Variants in RBMS1 observed in about 807,000 individuals in gnomAD.
RBMS1 encodes RNA-binding motif, single-stranded-interacting protein 1.
Under a neutral mutation model 62.3 loss-of-function variants are expected in RBMS1, and 17 were observed. The observed-to-expected ratio is 0.27, with a 90% CI of 0.19 to 0.41. RBMS1 has a LOEUF of 0.41. Among genes scored for constraint, RBMS1 ranks in the 10% least tolerant of loss-of-function variants. RBMS1 has a pLI of 1.00. For missense variants in RBMS1, 334 were observed against 504.5 expected, an observed-to-expected ratio of 0.66 and a Z score of 3.24; for synonymous variants, 172 against 170.0, an observed-to-expected ratio of 1.01 and a Z score of -0.09.
chr2:160,292,868 G>A (rs1688752152), intron 6 of RBMS1, among the ~76,000 whole-genome samples: 1 of 152,206 alleles, frequency 6.6e-6, no homozygotes, highest in Admixed American at 6.5e-5. Flanking sequence ...TTAAAAACTA[G>A]TCTTCTCCTC....
chr2:160,423,926 C>T lies in RBMS1; in HGVS notation c.76-56535G>A, dbSNP rs143529134. Among the ~76,000 whole-genome samples, 35 of 152,196 alleles carry T rather than the reference C, an allele frequency of 2.3e-4. No homozygotes were observed. The East Asian group carries it at 5.2e-3, about 23-fold the overall frequency. ...GGAGGGTAAACTCGTCCAGAGCATC[C>T]GGTCTACCTCAATGCCTTGTACACT... On this transcript the variant is annotated intron_variant, in intron 1 of 13. Transcript: ENST00000348849.
At chr2:160,437,143 T>C (rs1292838056) in intron 1 of RBMS1, among the ~76,000 whole-genome samples, 1 of 152,070 alleles carries the variant, frequency 6.6e-6, no homozygotes, top group Non-Finnish European at 1.5e-5. Flanking sequence ...AGAAATAGAA[T>C]AGCAAATTGA....
chr2:160,377,327 C>T (rs1694053300), intron 1 of RBMS1, among the ~76,000 whole-genome samples: 1 of 152,150 alleles, frequency 6.6e-6, no homozygotes, highest in African/African-American at 2.4e-5. Context: ...ACTAATATTG[C>T]CACCTACAGG....
At chr2:160,284,656 G>T in intron 9 of RBMS1, 119 bp downstream of exon 9, 2 of 803,662 alleles carry the variant, frequency 2.5e-6, no homozygotes, top group Non-Finnish European at 4.3e-6. Context: ...GGGTATCCAA[G>T]CTGCATAATA....
At chr2:160,482,565 CAACTT>C (rs1247024017) in intron 1 of RBMS1, among the ~76,000 whole-genome samples, 3 of 152,130 alleles carry the variant, frequency 2.0e-5, no homozygotes, top group Non-Finnish European at 4.4e-5. Flanking sequence ...CCATTTGTAT[CAACTT>C]AACTAGATGA....
chr2:160,484,402 G>A (rs1389850562), intron 1 of RBMS1, among the ~76,000 whole-genome samples: 1 of 151,586 alleles, frequency 6.6e-6, no homozygotes, highest in Non-Finnish European at 1.5e-5. Flanking sequence ...TGCTGAGGCA[G>A]GAGAATGGCG....
chr2:160,313,443 C>T (rs1039448673), intron 3 of RBMS1, among the ~76,000 whole-genome samples, 196 bp from the exon 4 acceptor site: 1 of 152,090 alleles, frequency 6.6e-6, no homozygotes, highest in African/African-American at 2.4e-5. Flanking sequence ...ACAGACAAGC[C>T]TGCCTTCAGA....
At chr2:160,353,559 G>A (rs763923508) in intron 2 of RBMS1, among the ~76,000 whole-genome samples, 22 of 152,116 alleles carry the variant, frequency 1.4e-4, no homozygotes, top group Non-Finnish European at 2.9e-4. Flanking sequence ...AGAGGACAAA[G>A]TTAAGTTCTT....
chr2:160,320,621 AG>A (rs1690504715), intron 2 of RBMS1, among the ~76,000 whole-genome samples: 1 of 152,010 alleles, frequency 6.6e-6, no homozygotes, highest in African/African-American at 2.4e-5. Context: ...GGTTGTGCAA[AG>A]AGCCTGGTAC....
At chr2:160,351,560 A>G (rs1164158417) in intron 2 of RBMS1, among the ~76,000 whole-genome samples, 3 of 152,146 alleles carry the variant, frequency 2.0e-5, no homozygotes, top group Non-Finnish European at 4.4e-5. Context: ...GAATGGGTAT[A>G]AGAAAAATCA....
chr2:160,289,302 C>G (rs1187553097), intron 6 of RBMS1, among the ~76,000 whole-genome samples: 1 of 152,090 alleles, frequency 6.6e-6, no homozygotes. Flanking sequence ...GCTATTTTTT[C>G]CCCGCTAAAA....
intron 1 of RBMS1, among the ~76,000 whole-genome samples, chr2:160,372,522 A>G (rs567016726): frequency 1.3e-5 from 2 of 152,366 alleles, no homozygotes; most frequent in East Asian, 3.9e-4. Flanking sequence ...GCCTGAAATG[A>G]ACTGAGTACT....
intron 1 of RBMS1, among the ~76,000 whole-genome samples, chr2:160,413,576 T>G (rs1455592465): frequency 6.6e-6 from 1 of 152,166 alleles, no homozygotes; most frequent in Admixed American, 6.5e-5. Context: ...ACTATAGCTA[T>G]AATCCTAGAA....
At chr2:160,310,241 A>T (rs1282580841) in intron 4 of RBMS1, among the ~76,000 whole-genome samples, 1 of 152,214 alleles carries the variant, frequency 6.6e-6, no homozygotes, top group Non-Finnish European at 1.5e-5. Context: ...GTGTGTGCAC[A>T]CATATAACAA....
At chr2:160,421,414 T>G (rs1481583841) in intron 1 of RBMS1, among the ~76,000 whole-genome samples, 1 of 152,092 alleles carries the variant, frequency 6.6e-6, no homozygotes, top group Non-Finnish European at 1.5e-5. Context: ...TTTTTGTCCT[T>G]GAGATAGTTT....
At chr2:160,351,847 T>C (rs1692532021) in intron 2 of RBMS1, among the ~76,000 whole-genome samples, 1 of 152,122 alleles carries the variant, frequency 6.6e-6, no homozygotes, top group Non-Finnish European at 1.5e-5. Context: ...CTAAGCAATG[T>C]TCCTTCTGTG....
chr2:160,472,175 G>A (rs1292624975), intron 1 of RBMS1, among the ~76,000 whole-genome samples: 1 of 152,046 alleles, frequency 6.6e-6, no homozygotes, highest in African/African-American at 2.4e-5. Flanking sequence ...AGGCATTTTT[G>A]TGTCAGTTGA....
chr2:160,438,510 C>CACCG (rs1683217038), intron 1 of RBMS1, among the ~76,000 whole-genome samples: 2 of 152,254 alleles, frequency 1.3e-5, no homozygotes, highest in Admixed American at 1.3e-4. Flanking sequence ...GCACATCTTG[C>CACCG]ACCGCCCTTA....
intron 1 of RBMS1, among the ~76,000 whole-genome samples, chr2:160,428,913 A>G (rs565761280): frequency 6.6e-6 from 1 of 152,272 alleles, no homozygotes; most frequent in South Asian, 2.1e-4. Flanking sequence ...CCTATTGGCT[A>G]TGAAAATCCA....
Sources: gnomAD v4.1 joint callset for allele counts (sites outside exome capture counted in the v4.1 genomes callset) on GRCh38, gnomAD v4.1.1 for gene constraint, MANE v1.5 for transcripts, NCBI Gene and HGNC (gene_info 2026-07-23, HGNC 2026-07-21) for gene names.